DRC10: variants seen among roughly 807,000 people sequenced by gnomAD.
The protein encoded by DRC10 is IQ domain-containing protein D.
chr12:113,220,076 C>T, the DRC10 span, among the ~76,000 whole-genome samples: 1 of 152,120 alleles, frequency 6.6e-6, no homozygotes, highest in Non-Finnish European at 1.5e-5. Flanking sequence ...CTGCTGGCCT[C>T]GGCCTCCCAA....
At chr12:113,215,061 A>C in the DRC10 span, among the ~76,000 whole-genome samples, 1 of 152,188 alleles carries the variant, frequency 6.6e-6, no homozygotes, top group African/African-American at 2.4e-5. Context: ...ATAGTGACTC[A>C]GATTGGGAGG....
chr12:113,212,440 G>A, the DRC10 span, among the ~76,000 whole-genome samples: 1 of 152,326 alleles, frequency 6.6e-6, no homozygotes, highest in East Asian at 1.9e-4. Flanking sequence ...CTCTGAGGAT[G>A]AAGGATCTTT....
chr12:113,197,522 C>A, the DRC10 span: 1 of 1,500,314 alleles, frequency 6.7e-7, no homozygotes, highest in African/African-American at 1.4e-5. Flanking sequence ...GCGAGAGAGA[C>A]TTATTCAGCG....
the DRC10 span, chr12:113,195,493 G>T: frequency 6.8e-7 from 1 of 1,472,130 alleles, no homozygotes; most frequent in Non-Finnish European, 9.0e-7. Context: ...CATGAAAGCC[G>T]TGAATTTAGT....
At chr12:113,208,413 G>C in the DRC10 span, 3 of 1,278,752 alleles carry the variant, frequency 2.3e-6, no homozygotes, top group African/African-American at 1.5e-5. Flanking sequence ...TTTCAGCTTT[G>C]TGAGGGTGTT....
At chr12:113,219,878 G>T in the DRC10 span, among the ~76,000 whole-genome samples, 2 of 152,004 alleles carry the variant, frequency 1.3e-5, no homozygotes, top group Non-Finnish European at 2.9e-5. Context: ...GCACGATCTC[G>T]GCTCGCTGCA....
the DRC10 span, among the ~76,000 whole-genome samples, chr12:113,209,569 T>C: frequency 2.6e-5 from 4 of 152,144 alleles, no homozygotes; most frequent in African/African-American, 9.7e-5. Context: ...TAACTTTTTA[T>C]AGAGATGAGC....
chr12:113,198,990 T>A, the DRC10 span, among the ~76,000 whole-genome samples: 1 of 151,872 alleles, frequency 6.6e-6, no homozygotes, highest in Non-Finnish European at 1.5e-5. Context: ...CAGGCTGGAG[T>A]GCAGTGGTGT....
the DRC10 span, among the ~76,000 whole-genome samples, chr12:113,209,203 C>T: frequency 1.3e-5 from 2 of 152,170 alleles, no homozygotes; most frequent in Non-Finnish European, 1.5e-5. Context: ...CCTGAGCCAC[C>T]ACGCCTGGCC....
the DRC10 span, among the ~76,000 whole-genome samples, chr12:113,209,976 G>A: frequency 6.6e-6 from 1 of 152,200 alleles, no homozygotes; most frequent in South Asian, 2.1e-4. Flanking sequence ...AAATACGAGA[G>A]AATGCCAGGC....
At chr12:113,213,189 A>AC in the DRC10 span, among the ~76,000 whole-genome samples, 3,207 of 149,318 alleles carry the variant, frequency 0.021, 44 homozygotes, top group Non-Finnish European at 0.036. Context: ...AAAAAAAAAA[A>AC]AAAAAAAAAA....
At chr12:113,220,759 T>A in the DRC10 span, among the ~76,000 whole-genome samples, 1 of 152,108 alleles carries the variant, frequency 6.6e-6, no homozygotes, top group East Asian at 1.9e-4. Flanking sequence ...CCTCCTCGTT[T>A]TAGGGATGAG....
the DRC10 span, among the ~76,000 whole-genome samples, chr12:113,212,197 G>A: frequency 6.6e-6 from 1 of 151,740 alleles, no homozygotes; most frequent in African/African-American, 2.4e-5. Context: ...AGCCTCCCAA[G>A]TAGCTGGGAT....
the DRC10 span, among the ~76,000 whole-genome samples, chr12:113,196,984 C>G: frequency 6.6e-6 from 1 of 152,248 alleles, no homozygotes. Flanking sequence ...GGCCACACAG[C>G]TGGCACATCT....
the DRC10 span, among the ~76,000 whole-genome samples, chr12:113,212,609 C>A: frequency 6.6e-6 from 1 of 152,172 alleles, no homozygotes; most frequent in Admixed American, 6.5e-5. Context: ...TTGCTTTCAG[C>A]CAAATTACCT....
the DRC10 span, chr12:113,200,401 G>C: frequency 1.4e-6 from 1 of 705,040 alleles, no homozygotes; most frequent in East Asian, 2.7e-5. Context: ...AGGAGACACT[G>C]GCTTGGATTT....
chr12:113,208,483 G>A, the DRC10 span: 4 of 423,424 alleles, frequency 9.4e-6, no homozygotes, highest in South Asian at 4.4e-5. Context: ...TGTCAGGCGG[G>A]GACCAGCCAG....
At chr12:113,220,113 C>A in the DRC10 span, among the ~76,000 whole-genome samples, 1 of 152,024 alleles carries the variant, frequency 6.6e-6, no homozygotes, top group Non-Finnish European at 1.5e-5. Context: ...GCTGAGCCAC[C>A]GCGCCCGGCC....
chr12:113,201,706 C>A, the DRC10 span, among the ~76,000 whole-genome samples: 8 of 152,202 alleles, frequency 5.3e-5, no homozygotes, highest in African/African-American at 1.9e-4. Flanking sequence ...ACTAGAGTCT[C>A]CCTCTGAGCA....
Sources: gnomAD v4.1 joint callset for allele counts (sites outside exome capture counted in the v4.1 genomes callset) on GRCh38, gnomAD v4.1.1 for gene constraint, MANE v1.5 for transcripts, NCBI Gene and HGNC (gene_info 2026-07-23, HGNC 2026-07-21) for gene names.